LMBR1: variants seen among roughly 807,000 people sequenced by gnomAD.
LMBR1 encodes limb development membrane protein 1.
In LMBR1, 52 loss-of-function variants were observed where a neutral mutation model predicts 73.9. The observed-to-expected ratio is 0.70, with a 90% CI of 0.56 to 0.89. The LOEUF is 0.89. Ranked by LOEUF, LMBR1 falls within the 40% of genes least tolerant of loss-of-function variation. The pLI is 0.00. For synonymous variants in LMBR1, 215 were observed against 209.4 expected, an observed-to-expected ratio of 1.03 and a Z score of -0.23; for missense variants, 539 against 579.8, an observed-to-expected ratio of 0.93 and a Z score of 0.72.
chr7:156,674,857 T>C (rs995355738), downstream of LMBR1, among the ~76,000 whole-genome samples: 4 of 152,230 alleles, frequency 2.6e-5, no homozygotes, highest in Admixed American at 6.5e-5. Context: ...TATGTTTCTA[T>C]GGGACAGAGC....
chr7:156,882,845 C>T (rs945255927), intron 1 of LMBR1, among the ~76,000 whole-genome samples: 1 of 152,036 alleles, frequency 6.6e-6, no homozygotes, highest in Non-Finnish European at 1.5e-5. Context: ...AGCTGGCCAA[C>T]ACAGTGAAAC....
chr7:156,814,172 G>A (rs941726656), intron 4 of LMBR1, among the ~76,000 whole-genome samples: 8 of 152,128 alleles, frequency 5.3e-5, no homozygotes, highest in Non-Finnish European at 7.4e-5. Flanking sequence ...ACAAATGGTA[G>A]CCCTGGGATT....
chr7:156,675,945 C>A, downstream of LMBR1: 2 of 1,390,206 alleles, frequency 1.4e-6, no homozygotes, highest in South Asian at 2.5e-5. Flanking sequence ...GGGGGGAGGT[C>A]GAGGACTCAC....
chr7:156,827,780 C>T (rs999655302), intron 3 of LMBR1, among the ~76,000 whole-genome samples: 1 of 152,080 alleles, frequency 6.6e-6, no homozygotes, highest in Non-Finnish European at 1.5e-5. Context: ...AGGCCAATGC[C>T]ATCTTGTGGC....
intron 15 of LMBR1, among the ~76,000 whole-genome samples, chr7:156,695,433 T>C (rs1406446163): frequency 1.3e-5 from 2 of 152,230 alleles, no homozygotes; most frequent in African/African-American, 4.8e-5. Flanking sequence ...GGAAGCATGA[T>C]ACTGGCATCT....
chr7:156,783,897 T>C (rs984434323), intron 5 of LMBR1, among the ~76,000 whole-genome samples: 6 of 152,194 alleles, frequency 3.9e-5, no homozygotes, highest in African/African-American at 1.4e-4. Context: ...TGTGTAGAAT[T>C]TGCTTCAGAA....
chr7:156,785,559 T>C (rs114406795), intron 5 of LMBR1, among the ~76,000 whole-genome samples: 1 of 152,136 alleles, frequency 6.6e-6, no homozygotes, highest in Non-Finnish European at 1.5e-5. Flanking sequence ...AACGCTGCCT[T>C]GGAAAAAAAT....
At chr7:156,712,072 G>T (rs562459542) in intron 15 of LMBR1, among the ~76,000 whole-genome samples, 16 of 152,210 alleles carry the variant, frequency 1.1e-4, no homozygotes, top group Non-Finnish European at 2.1e-4. Flanking sequence ...CTGCAGAATG[G>T]GAGAAAAAGT....
At chr7:156,779,568 TATG>T in intron 5 of LMBR1, 1 of 520,278 alleles carries the variant, frequency 1.9e-6, no homozygotes, top group South Asian at 2.1e-5. Flanking sequence ...CTCAAATGGT[TATG>T]ATATAATTGC....
intron 15 of LMBR1, among the ~76,000 whole-genome samples, chr7:156,700,687 G>A (rs1809483984): frequency 6.6e-6 from 1 of 152,146 alleles, no homozygotes; most frequent in South Asian, 2.1e-4. Context: ...TCTCTAGGAA[G>A]TTCCAAACTT....
chr7:156,764,369 T>C (rs1823704899), intron 5 of LMBR1, among the ~76,000 whole-genome samples: 1 of 152,240 alleles, frequency 6.6e-6, no homozygotes, highest in Non-Finnish European at 1.5e-5. Flanking sequence ...GAATTTTCAT[T>C]AATCCATGAG....
At position 156,764,159 on chromosome 7, in the gene LMBR1, T is replaced by C. The variant is rs1823655529; in HGVS notation, c.424-364A>G. 6.6e-6 allele frequency among the ~76,000 whole-genome samples: 1 copy of C among 152,164 alleles called. No individual in the cohort carries two copies. The highest frequency in any genetic ancestry group is 1.5e-5 in the Non-Finnish European group (1 of 68,020). On this transcript the variant is annotated intron_variant, in intron 5 of 16. Transcript: ENST00000353442. Reference sequence around the variant, plus strand: ...TATGGCACAGAGCCAAACAGTTCAGTGAGCACTGAACTTGGTGCGCCACAA... The same window carrying C: ...TATGGCACAGAGCCAAACAGTTCAGCGAGCACTGAACTTGGTGCGCCACAA...
rs1802135883 is a variant in LMBR1, at chr7:156,670,046, CTGTT to C, written n.867-763_867-760del. 6.6e-6 allele frequency among the ~76,000 whole-genome samples: 1 copy of C among 152,034 alleles called. No homozygotes were observed. The highest frequency in any genetic ancestry group is 1.5e-5 in the Non-Finnish European group (1 of 68,000). ...GTGGTCATGTAGTTTTTTTTATTTG[CTGTT>C]TATTTAATGTTATTCTAAGAAAAAA... On this transcript the variant is annotated intron_variant and non_coding_transcript_variant, in intron 4 of 4. Coordinates refer to the LMBR1 transcript ENST00000430825. This position sits in a 1 kb window ranked among gnomAD's most constrained non-coding sequence, Gnocchi z 4.3.
At chr7:156,769,558 C>T (rs1824789763) in intron 5 of LMBR1, among the ~76,000 whole-genome samples, 1 of 152,182 alleles carries the variant, frequency 6.6e-6, no homozygotes, top group South Asian at 2.1e-4. Flanking sequence ...ATTGCCAAAA[C>T]TGTCAGGTCT....
chr7:156,685,408 G>A lies in LMBR1; in HGVS notation c.1388-1245C>T, dbSNP rs932654065. Among the ~76,000 whole-genome samples the A allele has an allele frequency of 5.3e-5, 8 of 152,204 alleles. No homozygotes were observed. Among genetic ancestry groups the A allele is most frequent in the South Asian group, 2.1e-4 (1 of 4,834 alleles). On this transcript the variant is annotated intron_variant, in intron 16 of 16. Coordinates refer to ENST00000353442, the MANE Select transcript of LMBR1 (RefSeq NM_022458.4). The surrounding 1 kb of genome is among the most constrained non-coding windows in gnomAD (Gnocchi z 4.1). The stretch of plus-strand genomic sequence containing the variant: ...AAATGCGCTGTCGAGCGATTCTGTC[G>A]CTGTGATGCCATCATAGAGTGTATC...
chr7:156,726,958 C>G (rs962757700), intron 12 of LMBR1, among the ~76,000 whole-genome samples: 2 of 152,032 alleles, frequency 1.3e-5, no homozygotes, highest in African/African-American at 4.8e-5. Flanking sequence ...ATCATACTTC[C>G]CACTACTGTC....
intron 4 of LMBR1, among the ~76,000 whole-genome samples, chr7:156,815,515 A>G (rs1411055512): frequency 2.6e-5 from 4 of 152,216 alleles, no homozygotes; most frequent in African/African-American, 9.6e-5. Flanking sequence ...TCTAAAATTC[A>G]CAAAGCATAT....
intron 15 of LMBR1, among the ~76,000 whole-genome samples, chr7:156,711,427 C>T (rs1024830125): frequency 1.3e-5 from 2 of 152,196 alleles, no homozygotes; most frequent in Non-Finnish European, 2.9e-5. Flanking sequence ...GACCACACTA[C>T]TGCAAACAAT....
rs2134696381 is a variant in LMBR1, at chr7:156,893,133, G to A, written c.-140C>T. On this transcript the variant is annotated 5_prime_UTR_variant, in exon 1 of 17. Transcript: ENST00000353442. ...CGAGCCGTGTTGGAACAGGTACCGC[G>A]ACCACGACACCGGCCGTCGCCTCAG... 2.6e-6 allele frequency: 2 copies of A among 767,730 alleles called. No individual in the cohort carries two copies. Among genetic ancestry groups the A allele is most frequent in the Non-Finnish European group, 3.6e-6 (2 of 554,166 alleles). 47.6% of individuals were successfully genotyped at this position (767,730 alleles called of 1,614,324 possible). A position where few individuals can be genotyped will look rare whatever the true frequency, so the allele number is the denominator to read the frequency against.
Sources: gnomAD v4.1 joint callset for allele counts (sites outside exome capture counted in the v4.1 genomes callset) on GRCh38, gnomAD v4.1.1 for gene constraint, Gnocchi (gnomAD v3.1) non-coding constraint, MANE v1.5 for transcripts, NCBI Gene and HGNC (gene_info 2026-07-23, HGNC 2026-07-21) for gene names.